Variants in LAMA5 observed in about 807,000 individuals in gnomAD.
LAMA5 encodes laminin subunit alpha-5.
In LAMA5, 260 loss-of-function variants were observed where a neutral mutation model predicts 433.4. The ratio of observed to expected loss-of-function variants is 0.60; its 90% confidence interval spans 0.54 to 0.66. The LOEUF (loss-of-function observed/expected upper bound fraction) is 0.66. Ranked by LOEUF, LAMA5 falls within the 30% of genes least tolerant of loss-of-function variation. The probability of loss-of-function intolerance (pLI) is 0.00; values close to 1 mark genes in which losing one functional copy is unlikely to be tolerated. For missense variants in LAMA5, 5,378 were observed against 5,258.5 expected (o/e 1.02, Z -0.70); for synonymous variants, 2,620 against 2,226.6 (o/e 1.18, Z -4.97).
chr20:62,318,685 A>C, intron 52 of LAMA5, 35 bp from the exon 53 acceptor site: 2 of 1,600,234 alleles, frequency 1.2e-6, no homozygotes, highest in Non-Finnish European at 1.7e-6. Context: ...GTCACTCTGG[A>C]AGCCAGGCCC....
At position 62,330,608 on chromosome 20, in the gene LAMA5, C is replaced by T. The variant is rs144486768; in HGVS notation, c.3859G>A (p.Val1287Met). ...PTLLREPQAT[V>M]VFTTHVPTLG... ...GTGGGCACATGGGTGGTGAAGACCACGGTGGCCTGCAGGGATAGGCCCTAG... is the reference window on the plus strand; with the variant it reads ...GTGGGCACATGGGTGGTGAAGACCATGGTGGCCTGCAGGGATAGGCCCTAG... Residue 1287 changes from valine (V) to methionine (M), a missense_variant, in exon 31 of 80, where the codon GTG becomes ATG. Transcript: ENST00000252999. 53 of 1,590,974 alleles carry T rather than the reference C, an allele frequency of 3.3e-5. No homozygotes were observed. The highest frequency in any genetic ancestry group is 1.7e-4 in the Middle Eastern group (1 of 6,042).
chr20:62,346,802 TAG>T lies in LAMA5; in HGVS notation c.1073-4_1073-3del. ...TGGCATGGCCGTAGCAGTTACAGGCTAGAGAGAGGGGAGCGCAGCTGTTGGCA... is the reference window on the plus strand; with the variant it reads ...TGGCATGGCCGTAGCAGTTACAGGCTAGAGAGGGGAGCGCAGCTGTTGGCA... On this transcript the variant is annotated splice_region_variant and splice_polypyrimidine_tract_variant and intron_variant, in intron 7 of 79. Coordinates refer to ENST00000252999, the MANE Select transcript of LAMA5 (RefSeq NM_005560.6). 2 of 1,611,406 alleles carry T rather than the reference TAG, an allele frequency of 1.2e-6. No homozygotes were observed. The highest frequency in any genetic ancestry group is 8.5e-7 in the Non-Finnish European group (1 of 1,179,008).
At chr20:62,355,307 A>G (rs1985018547) in intron 2 of LAMA5, 1 of 152,366 alleles carries the variant, frequency 6.6e-6, no homozygotes, top group African/African-American at 2.4e-5. Flanking sequence ...TTGGCCAGGT[A>G]GGCCTGGAAG....
At chr20:62,360,045 G>A (rs1013616842) in intron 2 of LAMA5, among the ~76,000 whole-genome samples, 1 of 150,350 alleles carries the variant, frequency 6.7e-6, no homozygotes, top group African/African-American at 2.5e-5. Flanking sequence ...CTGGCTTCCT[G>A]ATGGAGGCCC....
At position 62,317,456 on chromosome 20, in the gene LAMA5, G is replaced by A. The variant is rs553907113; in HGVS notation, c.7400C>T (p.Pro2467Leu). 1.3e-6 allele frequency: 2 copies of A among 1,590,100 alleles called. No individual in the cohort carries two copies. Among genetic ancestry groups the A allele is most frequent in the Admixed American group, 1.7e-5 (1 of 57,624 alleles). The change falls in exon 55 of 80, where the codon CCA becomes CTA. Residue 2467 changes from proline (P) to leucine (L), a missense_variant. By Grantham distance (98) the Pro-to-Leu change is moderately conservative (BLOSUM62 -3). Coordinates refer to ENST00000252999, the MANE Select transcript of LAMA5 (RefSeq NM_005560.6). ...LAASLDGARTPLLQRMQTFSP... is the reference protein window; with the variant it reads ...LAASLDGARTLLLQRMQTFSP... Reference sequence around the variant, plus strand: ...GAAGGTCTGCATCCTCTGCAGCAGTGGGGTCCGAGCCCCATCCAGGCTGGC... The same window carrying A: ...GAAGGTCTGCATCCTCTGCAGCAGTAGGGTCCGAGCCCCATCCAGGCTGGC...
rs1980907197 is a variant in LAMA5 at position 62,333,501 on chromosome 20, CT to C, written c.3022-21del. On this transcript the variant is annotated intron_variant, in intron 24 of 79. Transcript: ENST00000252999. Reference sequence around the variant, plus strand: ...GTAGTCCTGCAGGGTGGAGGTGGTGCTGAGAGTGGTGGGCCCCACCCCCTGA... The same window carrying C: ...GTAGTCCTGCAGGGTGGAGGTGGTGCGAGAGTGGTGGGCCCCACCCCCTGA... The C allele has an allele frequency of 6.2e-7, 1 of 1,604,240 alleles. No individual in the cohort carries two copies. The highest frequency in any genetic ancestry group is 1.7e-5 in the Admixed American group (1 of 59,024).
Position 62,337,636 on chromosome 20 carries a change from C to G in LAMA5, c.2118G>C (p.Arg706=). 6.2e-7 allele frequency: 1 copy of G among 1,612,178 alleles called. No individual in the cohort carries two copies. Among genetic ancestry groups the G allele is most frequent in the East Asian group, 2.2e-5 (1 of 44,874 alleles). The change falls in exon 16 of 80, where the codon CGG becomes CGC. Residue 706 remains arginine, a synonymous_variant. Coordinates refer to ENST00000252999, the MANE Select transcript of LAMA5 (RefSeq NM_005560.6). ...CSCRPRVTGL[R]CDTCVPGAYN... ...AGGCACCGGGCACACATGTGTCACA[C>G]CGCAGCCCCGTCACACGGGGCCGGC...
intron 26 of LAMA5, 55 bp from the exon 27 acceptor site, chr20:62,332,772 C>T (rs1280768499): frequency 1.9e-6 from 3 of 1,581,104 alleles, no homozygotes; most frequent in African/African-American, 1.4e-5. Flanking sequence ...TTCCCACCTC[C>T]CTCCCCTCCC....
At chr20:62,340,761 G>A (rs1023729685) in intron 11 of LAMA5, among the ~76,000 whole-genome samples, 18 of 151,800 alleles carry the variant, frequency 1.2e-4, no homozygotes, top group East Asian at 3.9e-4. Context: ...ACTGCCAGGC[G>A]CAGTGGCTCA....
chr20:62,330,428 GC>G, intron 31 of LAMA5, 59 bp downstream of exon 31: 1 of 1,467,490 alleles, frequency 6.8e-7, no homozygotes, highest in Non-Finnish European at 9.0e-7. Context: ...ACGCTGTGGC[GC>G]CGGCATTCCA....
Position 62,366,932 on chromosome 20 carries a change from C to T in LAMA5, c.297+17G>A. 8.0e-7 allele frequency: 1 copy of T among 1,255,136 alleles called. No homozygotes were observed. Among genetic ancestry groups the T allele is most frequent in the Non-Finnish European group, 1.0e-6 (1 of 1,001,404 alleles). 77.7% of individuals were successfully genotyped at this position (1,255,136 alleles called of 1,614,324 possible). On this transcript the variant is annotated intron_variant, in intron 1 of 79. Transcript: ENST00000252999. ...AGTGCCCCGGGAGGAAGCCCCACGG[C>T]CCGCCCCTGCGCTCACCCGGATGGT... is the stretch of plus-strand genomic sequence containing the variant.
intron 34 of LAMA5, 111 bp downstream of exon 34, chr20:62,328,733 C>A: frequency 8.9e-7 from 1 of 1,122,772 alleles, no homozygotes; most frequent in Non-Finnish European, 1.3e-6. Context: ...AGCAATGCTG[C>A]CCTGCCAGGC....
Position 62,352,282 on chromosome 20 carries a change from G to A in LAMA5, c.647C>T (p.Thr216Ile). The A allele has an allele frequency of 6.2e-7, 1 of 1,600,320 alleles. No individual in the cohort carries two copies. The highest frequency in any genetic ancestry group is 8.5e-7 in the Non-Finnish European group (1 of 1,179,726). The change falls in exon 4 of 80, where the codon ACC (threonine) becomes ATC (isoleucine). Residue 216 changes from threonine (T) to isoleucine (I), a missense_variant. Thr to Ile is a moderately conservative substitution (Grantham distance 89). Coordinates refer to ENST00000252999, the MANE Select transcript of LAMA5 (RefSeq NM_005560.6). ...RITRDDAAIC[T>I]TEYSRIVPLE... ...GGGCACGATGCGTGAGTACTCGGTG[G>A]TGCAGATGGCCGCGTCGTCCCGTGT... is the stretch of plus-strand genomic sequence containing the variant.
At chr20:62,319,648 G>A (rs978992546) in intron 51 of LAMA5, 36 bp downstream of exon 51, 1 of 1,467,196 alleles carries the variant, frequency 6.8e-7, no homozygotes. Context: ...AGCCCTCCTG[G>A]CTCTGAGCCC....
At chr20:62,327,810 CTT>C (rs1230388460) in intron 36 of LAMA5, 54 bp downstream of exon 36, 6 of 1,577,418 alleles carry the variant, frequency 3.8e-6, no homozygotes, top group Non-Finnish European at 4.3e-6. Context: ...CGTAAGGACA[CTT>C]TCAGCTGATG....
At chr20:62,348,987 T>C (rs1983778837) in intron 6 of LAMA5, among the ~76,000 whole-genome samples, 1 of 151,872 alleles carries the variant, frequency 6.6e-6, no homozygotes, top group African/African-American at 2.4e-5. Flanking sequence ...AATGAACACA[T>C]GGCCAGGCGC....
intron 6 of LAMA5, among the ~76,000 whole-genome samples, chr20:62,349,452 G>C (rs1285153434): frequency 6.6e-6 from 1 of 151,548 alleles, no homozygotes; most frequent in Non-Finnish European, 1.5e-5. Context: ...AGCACCTGGA[G>C]AGGTGAAGAG....
At position 62,345,803 on chromosome 20, in the gene LAMA5, C is replaced by T; in HGVS notation, c.1477+15G>A. ...CAGGGCAGGCCGGGGACCTGGGGGC[C>T]TCAAGGACACTTACTCACAATCTGG... On this transcript the variant is annotated intron_variant, in intron 11 of 79. Coordinates refer to ENST00000252999, the MANE Select transcript of LAMA5 (RefSeq NM_005560.6). 6.5e-7 allele frequency: 1 copy of T among 1,547,778 alleles called. No homozygotes were observed.
At chr20:62,366,901 G>A (rs776489230) in intron 1 of LAMA5, 48 bp downstream of exon 1, 3 of 1,237,934 alleles carry the variant, frequency 2.4e-6, no homozygotes, top group African/African-American at 3.1e-5. Flanking sequence ...CGGTGTTCCG[G>A]GTCCGAGTGC....
Sources: gnomAD v4.1 joint callset for allele counts (sites outside exome capture counted in the v4.1 genomes callset) on GRCh38, gnomAD v4.1.1 for gene constraint, MANE v1.5 for transcripts, NCBI Gene and HGNC (gene_info 2026-07-23, HGNC 2026-07-21) for gene names.